Variants in CNTNAP3B observed in about 807,000 individuals in gnomAD.
CNTNAP3B encodes the protein contactin-associated protein-like 3B.
Under a neutral mutation model 108.9 loss-of-function variants are expected in CNTNAP3B, and 25 were observed. The ratio of observed to expected loss-of-function variants is 0.23; its 90% CI spans 0.17 to 0.32. The LOEUF is 0.32. Ranked by LOEUF, CNTNAP3B falls within the 10% of genes least tolerant of loss-of-function variation. CNTNAP3B has a pLI of 1.00. For synonymous variants in CNTNAP3B, 103 were observed against 473.4 expected, an observed-to-expected ratio of 0.22 and a Z score of 10.16; for missense variants, 252 against 1,210.4, an observed-to-expected ratio of 0.21 and a Z score of 11.75.
chr9:42,120,501 C>T (rs1396534242), intron 1 of CNTNAP3B, among the ~76,000 whole-genome samples: 1 of 137,978 alleles, frequency 7.2e-6, no homozygotes, highest in Non-Finnish European at 1.5e-5. Flanking sequence ...ATAAATCATG[C>T]TGCTATAAAG....
chr9:42,041,477 A>G (rs1247530735), intron 3 of CNTNAP3B, among the ~76,000 whole-genome samples: 1 of 149,186 alleles, frequency 6.7e-6, no homozygotes. Context: ...GCCAACAGAC[A>G]CATGAAAAAA....
chr9:42,119,612 G>A lies in CNTNAP3B; in HGVS notation c.85+9398C>T, dbSNP rs1828411184. On this transcript the variant is annotated intron_variant, in intron 1 of 23. Coordinates refer to ENST00000377561, the MANE Select transcript of CNTNAP3B (RefSeq NM_001201380.3). Reference sequence around the variant, plus strand: ...AGGCTACAGTAACCAAAACAGCATGGCACTGGTACCAAAACAGAGATATAG... The same window carrying A: ...AGGCTACAGTAACCAAAACAGCATGACACTGGTACCAAAACAGAGATATAG... Among the ~76,000 whole-genome samples, 2 of 131,538 alleles carry A rather than the reference G, an allele frequency of 1.5e-5. 1 individual carries two copies. Among genetic ancestry groups the A allele is most frequent in the Admixed American group, 1.5e-4 (2 of 12,994 alleles). The allele number at this position is 131,538 out of a possible 152,430, so 86.3% of individuals were successfully genotyped here.
rs1300440574 is a variant in CNTNAP3B, at chr9:42,119,492, A to T, written c.85+9518T>A. On this transcript the variant is annotated intron_variant, in intron 1 of 23. Transcript: ENST00000377561. The stretch of plus-strand genomic sequence containing the variant: ...TGGAAAAAACTACTTTAAAGTTCAT[A>T]TGGAACCAAAAAAGAGCCCGCATTG... Among the ~76,000 whole-genome samples, 10 of 125,032 alleles carry T rather than the reference A, an allele frequency of 8.0e-5. 1 individual carries two copies. Among genetic ancestry groups the T allele is most frequent in the African/African-American group, 1.6e-4 (5 of 30,598 alleles). The allele number at this position is 125,032 out of a possible 152,430, so 82.0% of individuals were successfully genotyped here. A position where few individuals can be genotyped will look rare whatever the true frequency, so the allele number is the denominator to read the frequency against.
chr9:42,121,411 G>C (rs1828459146), intron 1 of CNTNAP3B, among the ~76,000 whole-genome samples: 1 of 138,898 alleles, frequency 7.2e-6, no homozygotes, highest in African/African-American at 2.9e-5. Flanking sequence ...TTTCCAGAAT[G>C]GAATGTGGGC....
chr9:42,110,886 C>A (rs1257959028), intron 1 of CNTNAP3B, among the ~76,000 whole-genome samples: 1 of 140,100 alleles, frequency 7.1e-6, no homozygotes, highest in Non-Finnish European at 1.5e-5. Flanking sequence ...GCATTGCTAT[C>A]TAGAGGGAAT....
At chr9:42,112,165 A>G (rs142245507) in intron 1 of CNTNAP3B, among the ~76,000 whole-genome samples, 1 of 139,780 alleles carries the variant, frequency 7.2e-6, no homozygotes, top group African/African-American at 2.8e-5. Flanking sequence ...ATGCTCCTTG[A>G]CCGCTCACCC....
At chr9:41,955,851 A>C (rs1274409244) in intron 12 of CNTNAP3B, among the ~76,000 whole-genome samples, 2 of 152,284 alleles carry the variant, frequency 1.3e-5, no homozygotes, top group African/African-American at 4.8e-5. Flanking sequence ...TTAACAGTAC[A>C]GATGTTCCTC....
chr9:42,020,738 C>T (rs1246265569), intron 3 of CNTNAP3B, among the ~76,000 whole-genome samples: 1 of 130,634 alleles, frequency 7.7e-6, no homozygotes. Flanking sequence ...AATGCTGGTG[C>T]ATTGACTTGA....
intron 2 of CNTNAP3B, among the ~76,000 whole-genome samples, chr9:42,096,320 G>A (rs1463044474): frequency 7.1e-6 from 1 of 139,906 alleles, no homozygotes; most frequent in South Asian, 2.3e-4. Context: ...GCATACTATC[G>A]TGCAGTCCTG....
chr9:41,962,956 A>T (rs1410763977), intron 11 of CNTNAP3B, among the ~76,000 whole-genome samples: 1 of 149,916 alleles, frequency 6.7e-6, no homozygotes, highest in Non-Finnish European at 1.5e-5. Context: ...CTCCGTCTCA[A>T]AAAACAAAAA....
chr9:41,943,953 A>T (rs1248193005), intron 13 of CNTNAP3B, among the ~76,000 whole-genome samples: 6 of 152,356 alleles, frequency 3.9e-5, no homozygotes, highest in African/African-American at 1.4e-4. Context: ...AGTAAAATAA[A>T]ACACCTTACC....
At position 41,994,905 on chromosome 9, in the gene CNTNAP3B, A is replaced by T. The variant is rs1430976512; in HGVS notation, c.1071+1300T>A. The T allele has an allele frequency of 7.6e-4, 96 of 126,960 alleles. 1 individual carries two copies. The African/African-American group carries it at 0.02, about 26-fold the overall frequency. The allele number at this position is 126,960 out of a possible 1,614,324, so 7.9% of individuals were successfully genotyped here. A position where few individuals can be genotyped will look rare whatever the true frequency, so the allele number is the denominator to read the frequency against. On this transcript the variant is annotated intron_variant, in intron 7 of 23. Transcript: ENST00000377561. ...CCTTTAACCCAACTTAGATATTTCA[A>T]ACTTTAAACATTGAAAGAAGTTTAT...
rs1191851645 is a variant in CNTNAP3B at position 42,057,435 on chromosome 9, C to A, written c.390+19434G>T. ...AGCTAGTCTGCTCTCAAACTCCTGA[C>A]CTCAGGTGATCTGCCCAACTCAGCC... On this transcript the variant is annotated intron_variant, in intron 3 of 23. Transcript: ENST00000377561. 3.7e-5 allele frequency among the ~76,000 whole-genome samples: 4 copies of A among 108,136 alleles called. 1 individual carries two copies. The highest frequency in any genetic ancestry group is 2.8e-4 in the South Asian group (1 of 3,518). 70.9% of individuals were successfully genotyped at this position (108,136 alleles called of 152,430 possible).
At chr9:41,930,593 T>C (rs1823949008) in intron 14 of CNTNAP3B, among the ~76,000 whole-genome samples, 2 of 152,182 alleles carry the variant, frequency 1.3e-5, no homozygotes, top group Non-Finnish European at 2.9e-5. Context: ...CGCTCACCTT[T>C]TGTCGAACAG....
intron 15 of CNTNAP3B, among the ~76,000 whole-genome samples, chr9:41,925,803 T>C (rs890251375): frequency 5.3e-5 from 8 of 152,292 alleles, no homozygotes; most frequent in African/African-American, 9.6e-5. Context: ...GCTTTTTTTT[T>C]CCCCTTTGTC....
Position 41,964,626 on chromosome 9 carries a change from A to C in CNTNAP3B, c.1668T>G (p.Cys556Trp). 6.6e-7 allele frequency: 1 copy of C among 1,521,164 alleles called. No individual in the cohort carries two copies. Among genetic ancestry groups the C allele is most frequent in the African/African-American group, 1.4e-5 (1 of 71,706 alleles). 94.2% of individuals were successfully genotyped at this position (1,521,164 alleles called of 1,614,324 possible). A position where few individuals can be genotyped will look rare whatever the true frequency, so the allele number is the denominator to read the frequency against. Residue 556 changes from cysteine (C) to tryptophan (W), a missense_variant, in exon 11 of 24, where the codon TGT becomes TGG. Physicochemically the swap from Cys to Trp is radical, Grantham distance 215. Transcript: ENST00000377561. ...ACTGGGAACACTCGCCCCCATGCTC[A>C]CAGTAGCTGGGCAAGCACCTAAAAG... is the stretch of plus-strand genomic sequence containing the variant. Reference protein sequence around the residue: ...GITDRCLPSYCEHGGECSQSW... With the variant: ...GITDRCLPSYWEHGGECSQSW...
In CNTNAP3B at chr9:42,125,891, T is replaced by A. The variant is rs1269190793; in HGVS notation, c.85+3119A>T. Among the ~76,000 whole-genome samples the A allele has an allele frequency of 1.6e-5, 2 of 127,772 alleles. 1 individual carries two copies. Among genetic ancestry groups the A allele is most frequent in the African/African-American group, 6.3e-5 (2 of 31,526 alleles). 83.8% of individuals were successfully genotyped at this position (127,772 alleles called of 152,430 possible). ...CCTCAGCCTCCCAAAGTGCTGAGAT[T>A]ACAGCTGTGAGCCACCGTGCCCAGC... On this transcript the variant is annotated intron_variant, in intron 1 of 23. Coordinates refer to ENST00000377561, the MANE Select transcript of CNTNAP3B (RefSeq NM_001201380.3).
intron 13 of CNTNAP3B, among the ~76,000 whole-genome samples, chr9:41,943,478 G>A (rs1346868471): frequency 4.6e-5 from 7 of 151,402 alleles, no homozygotes; most frequent in African/African-American, 1.2e-4. Flanking sequence ...TCAGCCTCCC[G>A]AGTAGCTGGG....
At chr9:41,937,114 T>TTA (rs1554739561) in intron 14 of CNTNAP3B, among the ~76,000 whole-genome samples, 22,165 of 139,958 alleles carry the variant, frequency 0.16, 312 homozygotes, top group South Asian at 0.23. Flanking sequence ...TATTTATTAA[T>TTA]TTATTATTAT....
Sources: allele counts gnomAD v4.1 joint callset (sites outside exome capture counted in the v4.1 genomes callset), GRCh38; gene constraint gnomAD v4.1.1; transcripts MANE v1.5; gene names NCBI Gene and HGNC (gene_info 2026-07-23, HGNC 2026-07-21).